AGBL1: variants seen among roughly 807,000 people sequenced by gnomAD.
The protein encoded by AGBL1 is AGBL carboxypeptidase 1, also known as cytosolic carboxypeptidase 4.
In AGBL1, 130 loss-of-function variants were observed where a neutral mutation model predicts 118.9. That is an observed-to-expected ratio of 1.09 (90% CI 0.95 to 1.26). The LOEUF (loss-of-function observed/expected upper bound fraction) is 1.26. Among genes scored for constraint, AGBL1 ranks in the 50% most tolerant of loss-of-function variants. The probability of loss-of-function intolerance (pLI) is 0.00; values close to 1 mark genes in which losing one functional copy is unlikely to be tolerated. For missense variants in AGBL1, 1,584 were observed against 1,298.1 expected (o/e 1.22, Z -3.38); for synonymous variants, 555 against 478.9 (o/e 1.16, Z -2.08).
Position 86,436,200 on chromosome 15 carries a change from G to A in AGBL1, c.2555+38654G>A, listed in dbSNP as rs149536075. On this transcript the variant is annotated intron_variant, in intron 18 of 22. Transcript: ENST00000614907. ...CGCTCTCTGTGGTGGTGGAGAAGGT[G>A]TGTAGGGAGATCTAGTAGCATCCCA... Among the ~76,000 whole-genome samples, 288 of 150,136 alleles carry A rather than the reference G, an allele frequency of 1.9e-3. 1 individual carries two copies. The highest frequency in any genetic ancestry group is 3.6e-3 in the Admixed American group (54 of 14,906).
chr15:86,880,920 C>T (rs1216179081), intron 22 of AGBL1, among the ~76,000 whole-genome samples: 2 of 152,162 alleles, frequency 1.3e-5, no homozygotes, highest in South Asian at 2.1e-4. Context: ...TTGAACTGAC[C>T]GCCTCCTCTC....
At chr15:86,086,297 C>T (rs997181112) in intron 1 of AGBL1, 2 of 152,160 alleles carry the variant, frequency 1.3e-5, no homozygotes, top group African/African-American at 2.4e-5. Flanking sequence ...ACAGACTGGA[C>T]ACCTCTTCAT....
rs3030214 is a variant in AGBL1, at chr15:86,860,713, A to AGTGT, written c.3159-46350_3159-46347dup. Among the ~76,000 whole-genome samples, 373 of 148,816 alleles carry AGTGT rather than the reference A, an allele frequency of 2.5e-3. 1 individual carries two copies. The highest frequency in any genetic ancestry group is 7.5e-3 in the African/African-American group (303 of 40,424). On this transcript the variant is annotated intron_variant, in intron 22 of 22. Transcript: ENST00000614907. ...TGATCCTTCCTTTCCTCTGTGAGTA[A>AGTGT]GTGTGTGTGTGTGTGTGTGTGTGTG...
At chr15:86,447,226 T>G (rs1317351736) in intron 18 of AGBL1, among the ~76,000 whole-genome samples, 1 of 152,178 alleles carries the variant, frequency 6.6e-6, no homozygotes, top group Non-Finnish European at 1.5e-5. Flanking sequence ...AAAAGATAGA[T>G]CCACATTTGT....
At chr15:86,259,870 G>A (rs968297597) in intron 9 of AGBL1, among the ~76,000 whole-genome samples, 1 of 152,336 alleles carries the variant, frequency 6.6e-6, no homozygotes, top group African/African-American at 2.4e-5. Flanking sequence ...GGGAGGGACC[G>A]GGTGCACGAT....
At chr15:86,648,148 C>T (rs905603084) in intron 21 of AGBL1, among the ~76,000 whole-genome samples, 8 of 152,090 alleles carry the variant, frequency 5.3e-5, no homozygotes, top group South Asian at 2.1e-4. Context: ...ATCTGACTTA[C>T]ATTTTGAAGG....
At chr15:86,799,588 ATTAT>A in intron 22 of AGBL1, among the ~76,000 whole-genome samples, 1 of 152,266 alleles carries the variant, frequency 6.6e-6, no homozygotes, top group East Asian at 1.9e-4. Context: ...TTGTGACGGA[ATTAT>A]GTAAAATCTA....
At chr15:86,196,873 GCGCGCGCACACACA>G (rs1567119072) in intron 5 of AGBL1, among the ~76,000 whole-genome samples, 7 of 89,000 alleles carry the variant, frequency 7.9e-5, no homozygotes, top group Middle Eastern at 5.5e-3. Flanking sequence ...ACATGTGCGC[GCGCGCGCACACACA>G]CACACACACA....
intron 19 of AGBL1, among the ~76,000 whole-genome samples, chr15:86,542,897 C>T (rs1350837827): frequency 6.6e-6 from 1 of 152,072 alleles, no homozygotes; most frequent in Admixed American, 6.5e-5. Context: ...TACTTTCAAC[C>T]TATCTGTGTC....
intron 5 of AGBL1, among the ~76,000 whole-genome samples, chr15:86,184,536 T>A (rs2077601892): frequency 6.6e-6 from 1 of 151,954 alleles, no homozygotes; most frequent in Admixed American, 6.6e-5. Flanking sequence ...GTTGGGGAAG[T>A]TCTCCTGGAT....
chr15:86,940,120 C>CTCTCAGG (rs2080732079), intron 23 of AGBL1, among the ~76,000 whole-genome samples: 2 of 137,246 alleles, frequency 1.5e-5, no homozygotes, highest in Admixed American at 1.5e-4. Context: ...TGTTGCTCAG[C>CTCTCAGG]CTGGGCTCGA....
At position 86,415,513 on chromosome 15, in the gene AGBL1, A is replaced by C. The variant is rs185812442; in HGVS notation, c.2555+17967A>C. 3.7e-4 allele frequency among the ~76,000 whole-genome samples: 56 copies of C among 152,300 alleles called. 1 individual carries two copies. Among genetic ancestry groups the C allele is most frequent in the African/African-American group, 1.3e-3 (55 of 41,558 alleles). On this transcript the variant is annotated intron_variant, in intron 18 of 22. Coordinates refer to ENST00000614907, the MANE Select transcript of AGBL1 (RefSeq NM_001386094.1). ...TGTTCTTATACATGTTAAAGTAAAC[A>C]ACACTTATAAGAACAGTTATTATAC...
At chr15:86,186,879 C>T (rs2077641320) in intron 5 of AGBL1, among the ~76,000 whole-genome samples, 1 of 152,126 alleles carries the variant, frequency 6.6e-6, no homozygotes, top group Admixed American at 6.5e-5. Context: ...CAAGGTCATA[C>T]CAGAAATGAA....
chr15:86,480,603 A>G (rs1295806692), intron 18 of AGBL1, among the ~76,000 whole-genome samples: 3 of 152,100 alleles, frequency 2.0e-5, no homozygotes, highest in African/African-American at 7.2e-5. Flanking sequence ...ATCCTTTTAA[A>G]AAGTACACAG....
At chr15:86,700,804 T>C (rs1055535688) in intron 22 of AGBL1, among the ~76,000 whole-genome samples, 7 of 152,106 alleles carry the variant, frequency 4.6e-5, no homozygotes, top group African/African-American at 1.4e-4. Context: ...ATTACCAAGA[T>C]ACCTGATACC....
At chr15:86,962,382 A>T (rs992152712) in intron 23 of AGBL1, among the ~76,000 whole-genome samples, 1 of 152,120 alleles carries the variant, frequency 6.6e-6, no homozygotes, top group African/African-American at 2.4e-5. Context: ...ATTATCATTC[A>T]CAAGGCATTA....
At chr15:86,098,397 T>A (rs915311203) in intron 1 of AGBL1, among the ~76,000 whole-genome samples, 1 of 152,198 alleles carries the variant, frequency 6.6e-6, no homozygotes, top group African/African-American at 2.4e-5. Context: ...TGGGCCAATG[T>A]CCTAAAGTGT....
chr15:86,940,816 ATTG>A (rs770128387), intron 23 of AGBL1, among the ~76,000 whole-genome samples: 1 of 152,140 alleles, frequency 6.6e-6, no homozygotes, highest in East Asian at 1.9e-4. Context: ...TCACTTTTCT[ATTG>A]TTTTGTTTCT....
rs1461702978 is a variant in AGBL1, at chr15:86,711,828, A to G, written c.3158+37392A>G. On this transcript the variant is annotated intron_variant, in intron 22 of 22. Transcript: ENST00000614907. ...TTACTATCTGGCACTTCAGAGAAAA[A>G]AAGATTGTCCACTCTTGATTCAGAA... 2.0e-5 allele frequency among the ~76,000 whole-genome samples: 3 copies of G among 152,184 alleles called. No individual in the cohort carries two copies. The East Asian group carries it at 5.8e-4, about 29-fold the overall frequency.
Sources: gnomAD v4.1 joint callset for allele counts (sites outside exome capture counted in the v4.1 genomes callset) on GRCh38, gnomAD v4.1.1 for gene constraint, MANE v1.5 for transcripts, NCBI Gene and HGNC (gene_info 2026-07-23, HGNC 2026-07-21) for gene names.